Variants in PSG2 observed in about 807,000 individuals in gnomAD.
PSG2 encodes pregnancy specific beta-1-glycoprotein 2.
Under a neutral mutation model 36.2 loss-of-function variants are expected in PSG2, and 49 were observed. That is an observed-to-expected ratio of 1.35 (90% confidence interval 1.08 to 1.72). The LOEUF (loss-of-function observed/expected upper bound fraction) is 1.72. Ranked by LOEUF, PSG2 falls within the 40% of genes most tolerant of loss-of-function variation. PSG2 has a pLI of 0.00. For missense variants in PSG2, 605 were observed against 407.2 expected (o/e 1.49, Z -4.18); for synonymous variants, 261 against 155.6 (o/e 1.68, Z -5.04).
At chr19:43,064,801 C>G (rs1175872438) in intron 5 of PSG2, among the ~76,000 whole-genome samples, 200 bp from the exon 6 acceptor site, 2 of 151,692 alleles carry the variant, frequency 1.3e-5, no homozygotes, top group Non-Finnish European at 2.9e-5. Context: ...ATTTGATTTT[C>G]AGAAATTTCA....
rs1409799029 is a variant in PSG2, at chr19:43,075,336, G to T, written c.709+18C>A. 8 of 1,613,074 alleles carry T rather than the reference G, an allele frequency of 5.0e-6. No individual in the cohort carries two copies. The highest frequency in any genetic ancestry group is 6.8e-6 in the Non-Finnish European group (8 of 1,179,644). On this transcript the variant is annotated intron_variant, in intron 3 of 5. Coordinates refer to ENST00000406487, the MANE Select transcript of PSG2 (RefSeq NM_031246.4). ...TTGGGATGGCAGTCTGGCCCACAGA[G>T]GAACAGAAGATACTCACGGAGGAGA...
intron 4 of PSG2, among the ~76,000 whole-genome samples, chr19:43,067,098 C>A (rs186772213): frequency 6.6e-6 from 1 of 151,332 alleles, no homozygotes; most frequent in African/African-American, 2.4e-5. Context: ...CCTAGTTCTC[C>A]GAGGCTCTCT....
chr19:43,067,746 T>G (rs1275880935), intron 4 of PSG2, among the ~76,000 whole-genome samples: 1 of 151,424 alleles, frequency 6.6e-6, no homozygotes, highest in Non-Finnish European at 1.5e-5. Context: ...GTGTGGCATC[T>G]TGTTTCATTG....
chr19:43,072,221 G>A lies in PSG2; in HGVS notation c.710-267C>T, dbSNP rs1241260081. 5.4e-6 allele frequency: 8 copies of A among 1,471,886 alleles called. No homozygotes were observed. In the Admixed American group the frequency reaches 1.7e-4, roughly 31 times the overall value. 91.2% of individuals were successfully genotyped at this position (1,471,886 alleles called of 1,614,324 possible). A position where few individuals can be genotyped will look rare whatever the true frequency, so the allele number is the denominator to read the frequency against. ...GCCTACCCAGGTTTTCCCAGGGCAG[G>A]GAGTCATGGCCAGCTTGGATGTCCA... is the stretch of plus-strand genomic sequence containing the variant. On this transcript the variant is annotated intron_variant, in intron 3 of 5. Coordinates refer to ENST00000406487, the MANE Select transcript of PSG2 (RefSeq NM_031246.4).
At chr19:43,079,682 A>T (rs910833735) in intron 2 of PSG2, among the ~76,000 whole-genome samples, 1 of 151,692 alleles carries the variant, frequency 6.6e-6, no homozygotes, top group Middle Eastern at 3.4e-3. Context: ...AGGCCTGCTC[A>T]TGTTTTTTGC....
chr19:43,073,132 T>C (rs1235506974), intron 3 of PSG2, among the ~76,000 whole-genome samples: 1 of 151,778 alleles, frequency 6.6e-6, no homozygotes, highest in Non-Finnish European at 1.5e-5. Context: ...GGCCTGGGAC[T>C]GGATGTTTCA....
chr19:43,070,634 A>C (rs1370987744), intron 4 of PSG2, among the ~76,000 whole-genome samples: 1 of 151,724 alleles, frequency 6.6e-6, no homozygotes, highest in Non-Finnish European at 1.5e-5. Context: ...TATAAAAGAT[A>C]GTTAGAATAG....
intron 3 of PSG2, chr19:43,072,689 T>A: frequency 6.3e-7 from 1 of 1,592,146 alleles, no homozygotes; most frequent in Non-Finnish European, 8.6e-7. Context: ...TCCACAGGCA[T>A]CCTTCAATCA....
chr19:43,072,000 G>T, intron 3 of PSG2, 46 bp from the exon 4 acceptor site: 1 of 1,598,952 alleles, frequency 6.3e-7, no homozygotes. Flanking sequence ...TCTGAGGGAA[G>T]GGGATGCTCC....
chr19:43,072,244 C>T (rs1967829920), intron 3 of PSG2: 2 of 1,527,176 alleles, frequency 1.3e-6, no homozygotes, highest in South Asian at 2.5e-5. Flanking sequence ...GCTTGGATGT[C>T]CAGAAGTAAA....
At chr19:43,078,061 T>C (rs765220504) in intron 2 of PSG2, among the ~76,000 whole-genome samples, 18 of 151,698 alleles carry the variant, frequency 1.2e-4, no homozygotes, top group Non-Finnish European at 1.9e-4. Context: ...CTGTCCAGCC[T>C]CTGACACCCT....
At chr19:43,078,277 G>T (rs149438323) in intron 2 of PSG2, among the ~76,000 whole-genome samples, 38 of 151,724 alleles carry the variant, frequency 2.5e-4, no homozygotes, top group East Asian at 2.3e-3. Context: ...GCCCAGGGAC[G>T]GCCTTTGTCA....
rs748319187 is a variant in PSG2, at chr19:43,071,655, A to G, written c.964+45T>C. On this transcript the variant is annotated intron_variant, in intron 4 of 5. Transcript: ENST00000406487. ...TGACTCTTCTCTGAAAGCCAGATAG[A>G]CTCCACCTAAAACCCTACTGCCAAG... 10 of 1,612,338 alleles carry G rather than the reference A, an allele frequency of 6.2e-6. No homozygotes were observed. The Admixed American group carries it at 1.7e-4, about 27-fold the overall frequency.
chr19:43,064,905 C>A (rs903450911), intron 5 of PSG2, among the ~76,000 whole-genome samples: 4 of 151,794 alleles, frequency 2.6e-5, no homozygotes, highest in Admixed American at 2.0e-4. Context: ...CATCTGAGTT[C>A]ACTGCAAGCT....
chr19:43,080,885 T>A lies in PSG2; in HGVS notation c.426A>T (p.Leu142Phe). The change falls in exon 2 of 6, where the codon TTA becomes TTT. Residue 142 changes from leucine (L) to phenylalanine (F), a missense_variant. Physicochemically the swap from Leu to Phe is conservative, Grantham distance 22. Coordinates refer to ENST00000406487, the MANE Select transcript of PSG2 (RefSeq NM_031246.4). The stretch of plus-strand genomic sequence containing the variant: ...GGATCATGTGGAATCACTTACGGTA[T>A]AAGGTGAAGGTGAAATATCCAGTTA... Reference protein sequence around the residue: ...RGVTGYFTFTLYLETPKPSIS... With the variant: ...RGVTGYFTFTFYLETPKPSIS... The A allele has an allele frequency of 4.3e-6, 7 of 1,612,142 alleles. No homozygotes were observed. Among genetic ancestry groups the A allele is most frequent in the South Asian group, 1.1e-5 (1 of 90,922 alleles).
In PSG2 at chr19:43,071,720, G is replaced by C. The variant is rs749542888; in HGVS notation, c.944C>G (p.Ser315Trp). The change falls in exon 4 of 6, where the codon TCG becomes TGG. Residue 315 changes from serine (S) to tryptophan (W), a missense_variant. Transcript: ENST00000406487. ...NSATGEESST[S>W]LTVKVSASTR... The stretch of plus-strand genomic sequence containing the variant: ...CTTACCAGAGACTTTGACTGTCAAC[G>C]ATGTGGAGCTTTCCTCGCCAGTGGC... The C allele has an allele frequency of 3.1e-6, 5 of 1,612,940 alleles. No homozygotes were observed. The East Asian group carries it at 1.1e-4, about 36-fold the overall frequency.
At chr19:43,080,483 G>T (rs944591115) in intron 2 of PSG2, among the ~76,000 whole-genome samples, 2 of 151,690 alleles carry the variant, frequency 1.3e-5, no homozygotes, top group Non-Finnish European at 2.9e-5. Context: ...TTAGGGACAG[G>T]GTTTGGAGGT....
intron 3 of PSG2, 107 bp from the exon 4 acceptor site, chr19:43,072,061 G>A: frequency 1.4e-6 from 2 of 1,475,782 alleles, no homozygotes; most frequent in Non-Finnish European, 9.2e-7. Context: ...ACATCCTCAA[G>A]TCCCAGCAAA....
chr19:43,078,122 C>G (rs954399445), intron 2 of PSG2, among the ~76,000 whole-genome samples: 2 of 151,810 alleles, frequency 1.3e-5, no homozygotes, highest in Non-Finnish European at 2.9e-5. Flanking sequence ...GCATGGCTGA[C>G]TCCATCTGGC....
Sources: allele counts gnomAD v4.1 joint callset (sites outside exome capture counted in the v4.1 genomes callset), GRCh38; gene constraint gnomAD v4.1.1; transcripts MANE v1.5; gene names NCBI Gene and HGNC (gene_info 2026-07-23, HGNC 2026-07-21).